Variants in SPOCK3 observed in about 807,000 individuals in gnomAD.
The protein encoded by SPOCK3 is testican-3.
In SPOCK3, 30 loss-of-function variants were observed where a neutral mutation model predicts 56.6. That is an observed-to-expected ratio of 0.53 (90% CI 0.40 to 0.72). The LOEUF (loss-of-function observed/expected upper bound fraction) is 0.72, where lower values mean the gene tolerates loss of function less well. SPOCK3 is among the 30% of genes least tolerant of loss of function. The probability of loss-of-function intolerance (pLI) is 0.00; values close to 1 mark genes in which losing one functional copy is unlikely to be tolerated. For synonymous variants in SPOCK3, 196 were observed against 183.3 expected, an observed-to-expected ratio of 1.07 and a Z score of -0.56; for missense variants, 527 against 530.0, an observed-to-expected ratio of 0.99 and a Z score of 0.06.
intron 3 of SPOCK3, among the ~76,000 whole-genome samples, chr4:167,007,805 A>C (rs2150139180): frequency 6.6e-6 from 1 of 152,324 alleles, no homozygotes; most frequent in South Asian, 2.1e-4. Context: ...GCTTTTGTCA[A>C]CAGCTTTTCC....
At chr4:166,977,477 G>T (rs1486651728) in intron 4 of SPOCK3, among the ~76,000 whole-genome samples, 1 of 152,048 alleles carries the variant, frequency 6.6e-6, no homozygotes, top group Non-Finnish European at 1.5e-5. Context: ...CATAATCATA[G>T]CATTCTCTGA....
intron 7 of SPOCK3, among the ~76,000 whole-genome samples, chr4:166,789,235 G>C (rs1454726343): frequency 6.6e-6 from 1 of 151,884 alleles, no homozygotes; most frequent in Non-Finnish European, 1.5e-5. Context: ...TTCAAAACCA[G>C]CCTGACCAAC....
At position 167,156,087 on chromosome 4, in the gene SPOCK3, A is replaced by G. The variant is rs562878163; in HGVS notation, c.189+77898T>C. Among the ~76,000 whole-genome samples, 7 of 152,338 alleles carry G rather than the reference A, an allele frequency of 4.6e-5. No homozygotes were observed. The South Asian group carries it at 1.4e-3, about 32-fold the overall frequency. On this transcript the variant is annotated intron_variant, in intron 2 of 10. Coordinates refer to ENST00000357545, the MANE Select transcript of SPOCK3 (RefSeq NM_001040159.2). ...ACTTTAACAATATGCTTGACTTAAT[A>G]CAATTCAAAATAGTATCATAACATT...
chr4:167,206,300 A>G (rs1734325692), intron 2 of SPOCK3, among the ~76,000 whole-genome samples: 1 of 152,136 alleles, frequency 6.6e-6, no homozygotes, highest in African/African-American at 2.4e-5. Context: ...CTCCAGCCTG[A>G]GCGACAGAAG....
intron 6 of SPOCK3, among the ~76,000 whole-genome samples, chr4:166,845,430 T>A (rs1202215532): frequency 6.6e-6 from 1 of 152,232 alleles, no homozygotes; most frequent in Non-Finnish European, 1.5e-5. Context: ...ATTGTGGCTT[T>A]AAATTATGTT....
intron 3 of SPOCK3, among the ~76,000 whole-genome samples, chr4:167,017,939 G>A (rs917767061): frequency 2.6e-5 from 4 of 151,974 alleles, no homozygotes; most frequent in African/African-American, 7.2e-5. Context: ...TTATCTAATT[G>A]TTAAATTAGA....
At chr4:166,944,072 G>T (rs919661231) in intron 4 of SPOCK3, among the ~76,000 whole-genome samples, 1 of 152,100 alleles carries the variant, frequency 6.6e-6, no homozygotes, top group Non-Finnish European at 1.5e-5. Flanking sequence ...ACTTGAACCC[G>T]GGAGGCGAAG....
chr4:166,794,584 T>C (rs562094427), intron 6 of SPOCK3, among the ~76,000 whole-genome samples: 2 of 151,878 alleles, frequency 1.3e-5, no homozygotes, highest in Non-Finnish European at 2.9e-5. Flanking sequence ...CAATTACAAA[T>C]GCATCTAACC....
chr4:166,920,182 G>A (rs930324037), intron 4 of SPOCK3, among the ~76,000 whole-genome samples: 8 of 152,064 alleles, frequency 5.3e-5, no homozygotes, highest in South Asian at 2.1e-4. Context: ...AATTTTAAAC[G>A]TAATGGAAAA....
chr4:167,171,695 G>A (rs974405443), intron 2 of SPOCK3, among the ~76,000 whole-genome samples: 1 of 151,976 alleles, frequency 6.6e-6, no homozygotes, highest in African/African-American at 2.4e-5. Flanking sequence ...TATTTTGAAA[G>A]TTAATGATAC....
Position 166,733,677 on chromosome 4 carries a change from CAATT to C in SPOCK3, c.*1240_*1243del, listed in dbSNP as rs539314433. The C allele has an allele frequency of 2.0e-5, 3 of 152,230 alleles. No individual in the cohort carries two copies. Among genetic ancestry groups the C allele is most frequent in the Admixed American group, 6.6e-5 (1 of 15,206 alleles). 9.4% of individuals were successfully genotyped at this position (152,230 alleles called of 1,614,324 possible). A position where few individuals can be genotyped will look rare whatever the true frequency, so the allele number is the denominator to read the frequency against. On this transcript the variant is annotated 3_prime_UTR_variant, in exon 11 of 11. Coordinates refer to ENST00000357545, the MANE Select transcript of SPOCK3 (RefSeq NM_001040159.2). ...GTGATGGTGTGCCAAAATGTCTACA[CAATT>C]AATTAACATGCTAACTTAAATACAG...
intron 6 of SPOCK3, among the ~76,000 whole-genome samples, chr4:166,850,317 T>C (rs1048680755): frequency 2.0e-5 from 3 of 152,226 alleles, no homozygotes; most frequent in African/African-American, 7.2e-5. Flanking sequence ...TCAATGTGGG[T>C]CATTTGCTAT....
At chr4:166,816,158 A>G (rs965978320) in intron 6 of SPOCK3, among the ~76,000 whole-genome samples, 3 of 152,122 alleles carry the variant, frequency 2.0e-5, no homozygotes, top group African/African-American at 7.2e-5. Flanking sequence ...TTTGGAAATG[A>G]AAGTAATTCA....
intron 2 of SPOCK3, among the ~76,000 whole-genome samples, chr4:167,183,917 G>T (rs1295507243): frequency 1.3e-5 from 2 of 152,100 alleles, no homozygotes; most frequent in Non-Finnish European, 2.9e-5. Flanking sequence ...TATTAGAGAT[G>T]GTCATAAAAC....
chr4:167,046,236 AGTTTT>A (rs1174695277), intron 3 of SPOCK3, among the ~76,000 whole-genome samples: 1 of 150,770 alleles, frequency 6.6e-6, no homozygotes. Flanking sequence ...GCTTCTTTTG[AGTTTT>A]GTTTTGTTTT....
chr4:166,938,135 G>T (rs570253646), intron 4 of SPOCK3, among the ~76,000 whole-genome samples: 104 of 151,986 alleles, frequency 6.8e-4, no homozygotes, highest in African/African-American at 2.4e-3. Flanking sequence ...CAGATGACTA[G>T]AAGTGATTTT....
At chr4:166,747,533 GA>G (rs1735800421) in intron 8 of SPOCK3, among the ~76,000 whole-genome samples, 1 of 152,108 alleles carries the variant, frequency 6.6e-6, no homozygotes, top group African/African-American at 2.4e-5. Flanking sequence ...ATATCATACT[GA>G]ATGGCCAAAA....
chr4:167,145,908 G>C (rs1277190922), intron 2 of SPOCK3, among the ~76,000 whole-genome samples: 1 of 151,858 alleles, frequency 6.6e-6, no homozygotes, highest in African/African-American at 2.4e-5. Context: ...TCAGCTAATG[G>C]GCAAAATAAT....
At chr4:166,744,835 T>C (rs1293725790) in intron 8 of SPOCK3, among the ~76,000 whole-genome samples, 1 of 152,066 alleles carries the variant, frequency 6.6e-6, no homozygotes, top group Non-Finnish European at 1.5e-5. Context: ...AACTACGTGA[T>C]GCGTGCATAA....
Sources: gnomAD v4.1 joint callset for allele counts (sites outside exome capture counted in the v4.1 genomes callset) on GRCh38, gnomAD v4.1.1 for gene constraint, MANE v1.5 for transcripts, NCBI Gene and HGNC (gene_info 2026-07-23, HGNC 2026-07-21) for gene names.